Variants in MYO15A observed in about 807,000 individuals in gnomAD.
MYO15A encodes unconventional myosin-XV.
MYO15A carries 308 observed loss-of-function variants against 394.6 expected under a neutral mutation model. The ratio of observed to expected loss-of-function variants is 0.78; its 90% CI spans 0.71 to 0.86. The LOEUF (loss-of-function observed/expected upper bound fraction) is 0.86. MYO15A is among the 40% of genes least tolerant of loss of function. MYO15A has a pLI of 0.00. For synonymous variants in MYO15A, 1,957 were observed against 2,003.8 expected (o/e 0.98, Z 0.62); for missense variants, 4,606 against 4,799.1 (o/e 0.96, Z 1.19).
chr17:18,133,815 G>A (rs138235520), intron 12 of MYO15A, among the ~76,000 whole-genome samples: 4 of 151,660 alleles, frequency 2.6e-5, no homozygotes, highest in East Asian at 3.9e-4. Flanking sequence ...CACCACTACC[G>A]CCCCACTAAT....
Position 18,120,633 on chromosome 17 carries a change from C to T in MYO15A, c.1833C>T (p.Gly611=), listed in dbSNP as rs749448166. The T allele has an allele frequency of 6.3e-7, 1 of 1,596,688 alleles. No individual in the cohort carries two copies. The highest frequency in any genetic ancestry group is 1.1e-5 in the South Asian group (1 of 89,166). ...GGGAGGCGGCCTACAAACGCTTCGG[C>T]TACAAGCTGGCTGGCATGGACCCCG... ...AVREAAYKRF[G]YKLAGMDPEK... is the part of the protein sequence containing the mutation. Residue 611 remains glycine (G), a synonymous_variant, in exon 2 of 66, where the codon GGC becomes GGT. Coordinates refer to ENST00000647165, the MANE Select transcript of MYO15A (RefSeq NM_016239.4).
chr17:18,136,545 G>T lies in MYO15A; in HGVS notation c.4656-18G>T. 1 of 1,613,910 alleles carries T rather than the reference G, an allele frequency of 6.2e-7. No individual in the cohort carries two copies. The highest frequency in any genetic ancestry group is 8.5e-7 in the Non-Finnish European group (1 of 1,180,032). On this transcript the variant is annotated intron_variant, in intron 14 of 65. Transcript: ENST00000647165. ...CCACCACGGTGTCCTGCTCACACCA[G>T]CACCACCTCTGCTCCAGGGACGCCA...
chr17:18,149,774 C>A, intron 35 of MYO15A, 194 bp downstream of exon 35: 1 of 653,800 alleles, frequency 1.5e-6, no homozygotes, highest in South Asian at 1.7e-5. Context: ...TTGGCTGATC[C>A]TGGAAGGACC....
chr17:18,138,276 C>T (rs2046316648), intron 17 of MYO15A, 30 bp downstream of exon 17: 2 of 1,607,366 alleles, frequency 1.2e-6, no homozygotes, highest in Admixed American at 1.7e-5. Flanking sequence ...TGAGCCTAGT[C>T]AGGTCACAGA....
rs766758266 is a variant in MYO15A at position 18,131,492 on chromosome 17, C to T, written c.4167C>T (p.Thr1389=). 6.2e-7 allele frequency: 1 copy of T among 1,613,994 alleles called. No individual in the cohort carries two copies. The highest frequency in any genetic ancestry group is 1.1e-5 in the South Asian group (1 of 91,076). ...LEGGVISGAI[T]SQYLLEKSRI... ...GGGGCGTGATCTCTGGTGCCATAAC[C>T]TCCCAGTACCTGCTTGAGAAATCCA... The change falls in exon 10 of 66, where the codon ACC becomes ACT. Residue 1389 remains threonine (T), a synonymous_variant. Coordinates refer to ENST00000647165, the MANE Select transcript of MYO15A (RefSeq NM_016239.4).
Position 18,144,580 on chromosome 17 carries a change from C to G in MYO15A, c.6261C>G (p.Ser2087Arg). The G allele has an allele frequency of 6.2e-7, 1 of 1,612,482 alleles. No homozygotes were observed. The highest frequency in any genetic ancestry group is 8.5e-7 in the Non-Finnish European group (1 of 1,179,978). The change falls in exon 29 of 66, where the codon AGC (serine) becomes AGG (arginine). Residue 2087 changes from serine (S) to arginine (R), a missense_variant. This residue lies in a region of MYO15A where 2,776 missense variants were observed against 3,109.3 expected (regional missense o/e 0.89). Transcript: ENST00000647165. ...LPAEHHAEAV[S>R]IFKLILRFMG... The stretch of plus-strand genomic sequence containing the variant: ...CCGAGCACCATGCAGAAGCCGTGAG[C>G]ATCTTCAAGCTGGTATGGGGTCTGC...
chr17:18,162,065 A>T (rs1567660907), intron 57 of MYO15A, among the ~76,000 whole-genome samples: 1 of 152,162 alleles, frequency 6.6e-6, no homozygotes. Flanking sequence ...CAACCCACAG[A>T]TGAATAGACC....
chr17:18,169,680 G>T (rs1161939556), intron 62 of MYO15A: 1 of 152,042 alleles, frequency 6.6e-6, no homozygotes, highest in East Asian at 1.9e-4. Flanking sequence ...GTTTATGTGG[G>T]TTATATCAAT....
intron 57 of MYO15A, 45 bp downstream of exon 57, chr17:18,161,492 T>G (rs1222062706): frequency 1.2e-6 from 2 of 1,609,196 alleles, no homozygotes; most frequent in East Asian, 2.2e-5. Context: ...TGCTTCTCCC[T>G]TGGGGACTGG....
At position 18,152,195 on chromosome 17, in the gene MYO15A, CAGGA is replaced by C. The variant is rs1259363634; in HGVS notation, c.7966+12_7966+15del. The C allele has an allele frequency of 6.5e-7, 1 of 1,547,544 alleles. No homozygotes were observed. The highest frequency in any genetic ancestry group is 8.7e-7 in the Non-Finnish European group (1 of 1,146,418). On this transcript the variant is annotated intron_variant, in intron 42 of 65. Coordinates refer to ENST00000647165, the MANE Select transcript of MYO15A (RefSeq NM_016239.4). ...TGGCACCCACTTCAGGTGAGAGGGC[CAGGA>C]GGGAGGGAGGGGAGGGTGTCCAAGT...
In MYO15A at chr17:18,122,424, A is replaced by G. The variant is rs750017700; in HGVS notation, c.3609+15A>G. Reference sequence around the variant, plus strand: ...GGCGGAACAAGGTATGGAGGCACAGATTACACGGAGGGTTTGAGGGTTCTG... The same window carrying G: ...GGCGGAACAAGGTATGGAGGCACAGGTTACACGGAGGGTTTGAGGGTTCTG... On this transcript the variant is annotated intron_variant, in intron 2 of 65. Coordinates refer to ENST00000647165, the MANE Select transcript of MYO15A (RefSeq NM_016239.4). 6.2e-7 allele frequency: 1 copy of G among 1,609,954 alleles called. No individual in the cohort carries two copies. Among genetic ancestry groups the G allele is most frequent in the Non-Finnish European group, 8.5e-7 (1 of 1,178,810 alleles).
chr17:18,112,699 C>T (rs1199703051), intron 1 of MYO15A, among the ~76,000 whole-genome samples: 1 of 152,102 alleles, frequency 6.6e-6, no homozygotes, highest in African/African-American at 2.4e-5. Context: ...TGAGCCAGCG[C>T]ACCTAGCCCA....
Position 18,113,797 on chromosome 17 carries a change from G to GACACACACACACACAC in MYO15A, c.-219-4756_-219-4741dup, listed in dbSNP as rs4025536. Among the ~76,000 whole-genome samples the GACACACACACACACAC allele has an allele frequency of 7.4e-4, 103 of 138,910 alleles. 1 individual carries two copies. The highest frequency in any genetic ancestry group is 2.1e-3 in the African/African-American group (74 of 35,154). 91.1% of individuals were successfully genotyped at this position (138,910 alleles called of 152,430 possible). ...AACTTATATTCTTAGCACCTCCCCT[G>GACACACACACACACAC]ACACACACACACACACACACACACA... On this transcript the variant is annotated intron_variant, in intron 1 of 65. Coordinates refer to ENST00000647165, the MANE Select transcript of MYO15A (RefSeq NM_016239.4).
At chr17:18,109,879 C>T (rs1158765187) in intron 1 of MYO15A, 1 of 152,372 alleles carries the variant, frequency 6.6e-6, no homozygotes, top group African/African-American at 2.4e-5. Context: ...CTTTCTTCCT[C>T]TCCAGCTTAG....
rs1305985282 is a variant in MYO15A, at chr17:18,120,967, G to C, written c.2167G>C (p.Glu723Gln). ...GCAGGCCAGCTGGTGGGCCTTCGTG[G>C]AGCCCCCTGCCGTGAGCCCGGAGGT... Reference protein sequence around the residue: ...APQASWWAFVEPPAVSPEVPP... With the variant: ...APQASWWAFVQPPAVSPEVPP... Residue 723 changes from glutamate to glutamine, a missense_variant, in exon 2 of 66, where the codon GAG (glutamate) becomes CAG (glutamine). Glu to Gln is a conservative substitution (Grantham distance 29). Around this residue, in one of 2 missense-constraint regions of MYO15A, gnomAD observed 1,830 missense variants for 1,689.7 expected, o/e 1.08. Coordinates refer to ENST00000647165, the MANE Select transcript of MYO15A (RefSeq NM_016239.4). The C allele has an allele frequency of 6.7e-7, 1 of 1,487,428 alleles. No individual in the cohort carries two copies. The highest frequency in any genetic ancestry group is 8.9e-7 in the Non-Finnish European group (1 of 1,124,582). 92.1% of individuals were successfully genotyped at this position (1,487,428 alleles called of 1,614,324 possible). A position where few individuals can be genotyped will look rare whatever the true frequency, so the allele number is the denominator to read the frequency against.
rs1597754502 is a variant in MYO15A at position 18,120,850 on chromosome 17, C to A, written c.2050C>A (p.Leu684Ile). The change falls in exon 2 of 66, where the codon CTC becomes ATC. Residue 684 changes from leucine (L) to isoleucine (I), a missense_variant. Leu to Ile is a conservative substitution (Grantham distance 5). Transcript: ENST00000647165. Reference protein sequence around the residue: ...PPPAPPLSPALSGLPRPASPY... With the variant: ...PPPAPPLSPAISGLPRPASPY... Reference sequence around the variant, plus strand: ...GCCCGCGCCGCCGCTCTCCCCGGCGCTCTCGGGCCTGCCCCGGCCGGCCTC... The same window carrying A: ...GCCCGCGCCGCCGCTCTCCCCGGCGATCTCGGGCCTGCCCCGGCCGGCCTC... 2 of 1,199,966 alleles carry A rather than the reference C, an allele frequency of 1.7e-6. No individual in the cohort carries two copies. Among genetic ancestry groups the A allele is most frequent in the South Asian group, 2.4e-5 (1 of 41,130 alleles). The allele number at this position is 1,199,966 out of a possible 1,614,324, so 74.3% of individuals were successfully genotyped here.
Position 18,179,201 on chromosome 17 carries a change from G to C in MYO15A, c.*331G>C, listed in dbSNP as rs2047056437. 9.2e-6 allele frequency: 4 copies of C among 437,124 alleles called. No individual in the cohort carries two copies. Among genetic ancestry groups the C allele is most frequent in the Admixed American group, 3.5e-5 (1 of 28,602 alleles). The allele number at this position is 437,124 out of a possible 1,614,324, so 27.1% of individuals were successfully genotyped here. On this transcript the variant is annotated 3_prime_UTR_variant, in exon 66 of 66. Coordinates refer to ENST00000647165, the MANE Select transcript of MYO15A (RefSeq NM_016239.4). ...GCCCCTAACTCCTGCCTATGACACAGAAGCCCCACACCAGTTGCCCAGATG... is the reference window on the plus strand; with the variant it reads ...GCCCCTAACTCCTGCCTATGACACACAAGCCCCACACCAGTTGCCCAGATG...
At position 18,153,685 on chromosome 17, in the gene MYO15A, C is replaced by A; in HGVS notation, c.7967-90C>A. The stretch of plus-strand genomic sequence containing the variant: ...TGCACTCTAGCCTGGGGGACAACAG[C>A]GAAACTCCGTCTCAAAAATATATAT... On this transcript the variant is annotated intron_variant, in intron 42 of 65. Coordinates refer to ENST00000647165, the MANE Select transcript of MYO15A (RefSeq NM_016239.4). This position sits in a 1 kb window ranked among gnomAD's most constrained non-coding sequence, Gnocchi z 4.1. 3 of 1,253,548 alleles carry A rather than the reference C, an allele frequency of 2.4e-6. No homozygotes were observed. Among genetic ancestry groups the A allele is most frequent in the South Asian group, 4.0e-5 (2 of 50,566 alleles). 77.7% of individuals were successfully genotyped at this position (1,253,548 alleles called of 1,614,324 possible). A position where few individuals can be genotyped will look rare whatever the true frequency, so the allele number is the denominator to read the frequency against.
chr17:18,154,627 G>A (rs977881413), intron 44 of MYO15A, 53 bp from the exon 45 acceptor site: 1 of 1,579,600 alleles, frequency 6.3e-7, no homozygotes, highest in Non-Finnish European at 8.7e-7. Flanking sequence ...TCCAGCCTGG[G>A]TCCCAGCTGG....
Sources: allele counts gnomAD v4.1 joint callset (sites outside exome capture counted in the v4.1 genomes callset), GRCh38; gene constraint gnomAD v4.1.1; regional missense constraint gnomAD v4.1.1; non-coding constraint Gnocchi (gnomAD v3.1); transcripts MANE v1.5; gene names NCBI Gene and HGNC (gene_info 2026-07-23, HGNC 2026-07-21).